LRMDA: variants seen among roughly 807,000 people sequenced by gnomAD.
LRMDA encodes the protein leucine-rich melanocyte differentiation-associated protein.
A neutral mutation model predicts 29.8 loss-of-function variants in LRMDA; 18 were observed. The observed-to-expected ratio is 0.60, with a 90% confidence interval of 0.42 to 0.90. The LOEUF (loss-of-function observed/expected upper bound fraction) is 0.90. Among genes scored for constraint, LRMDA ranks in the 40% least tolerant of loss-of-function variants. The pLI is 0.00. For synonymous variants in LRMDA, 125 were observed against 109.4 expected (o/e 1.14, Z -0.89); for missense variants, 273 against 273.9 (o/e 1.00, Z 0.02).
intron 5 of LRMDA, among the ~76,000 whole-genome samples, chr10:76,308,967 G>C (rs1185366792): frequency 6.6e-6 from 1 of 151,960 alleles, no homozygotes; most frequent in Non-Finnish European, 1.5e-5. Flanking sequence ...ATCAAAGAAT[G>C]GCATTTCAGG....
intron 2 of LRMDA, among the ~76,000 whole-genome samples, chr10:75,672,678 G>A (rs1252936884): frequency 4.9e-5 from 7 of 143,554 alleles, no homozygotes; most frequent in Non-Finnish European, 7.6e-5. Flanking sequence ...TCCCTGGTTC[G>A]AGCGATTTTC....
chr10:76,527,525 A>T (rs959791990), intron 6 of LRMDA, among the ~76,000 whole-genome samples: 1 of 152,156 alleles, frequency 6.6e-6, no homozygotes, highest in Non-Finnish European at 1.5e-5. Context: ...ACTGAGTAAA[A>T]ACTCATTCTA....
At chr10:75,565,708 G>A (rs887031237) in intron 2 of LRMDA, among the ~76,000 whole-genome samples, 3 of 152,028 alleles carry the variant, frequency 2.0e-5, no homozygotes, top group African/African-American at 4.8e-5. Flanking sequence ...TTTTTTGCTG[G>A]TCAACCTCAT....
intron 2 of LRMDA, among the ~76,000 whole-genome samples, chr10:75,854,990 C>G (rs1330617121): frequency 6.6e-6 from 1 of 152,120 alleles, no homozygotes; most frequent in Non-Finnish European, 1.5e-5. Context: ...GGGTTGCTTC[C>G]AAGTCTTTGC....
chr10:75,976,852 C>A (rs999564009), intron 2 of LRMDA, among the ~76,000 whole-genome samples: 2 of 152,178 alleles, frequency 1.3e-5, no homozygotes, highest in African/African-American at 4.8e-5. Context: ...CGCCACATTA[C>A]AATGCCTCTC....
intron 5 of LRMDA, among the ~76,000 whole-genome samples, chr10:76,081,538 A>G (rs950033582): frequency 3.9e-5 from 6 of 152,328 alleles, no homozygotes; most frequent in South Asian, 2.1e-4. Flanking sequence ...TGTGTTTAGG[A>G]TGACATATGT....
In LRMDA at chr10:75,760,749, T is replaced by C. The variant is rs187923217; in HGVS notation, c.132-275259T>C. Among the ~76,000 whole-genome samples, 24 of 152,358 alleles carry C rather than the reference T, an allele frequency of 1.6e-4. No homozygotes were observed. In the East Asian group the frequency reaches 4.6e-3, roughly 29 times the overall value. ...AACTCAGATCCATCAGTGAAATAGC[T>C]AATCCTTTACTGACTTCTTTTCACC... is the stretch of plus-strand genomic sequence containing the variant. On this transcript the variant is annotated intron_variant, in intron 2 of 6. Transcript: ENST00000611255.
intron 6 of LRMDA, among the ~76,000 whole-genome samples, chr10:76,388,006 G>A (rs1348199633): frequency 6.6e-6 from 1 of 152,168 alleles, no homozygotes; most frequent in Non-Finnish European, 1.5e-5. Context: ...TGTAGATATA[G>A]TTAGTTTGAA....
chr10:76,162,691 G>A (rs1001266430), intron 5 of LRMDA, among the ~76,000 whole-genome samples: 1 of 152,218 alleles, frequency 6.6e-6, no homozygotes, highest in African/African-American at 2.4e-5. Flanking sequence ...GCATTTGTGA[G>A]AAATCCATCA....
At chr10:75,479,463 C>T (rs184352201) in intron 2 of LRMDA, among the ~76,000 whole-genome samples, 2 of 149,866 alleles carry the variant, frequency 1.3e-5, no homozygotes, top group African/African-American at 2.5e-5. Flanking sequence ...GCTGAGATCG[C>T]ACCACTGTAC....
rs1564541576 is a variant in LRMDA, at chr10:75,692,222, ATATATATAT to A, written c.131+253729_131+253737del. Among the ~76,000 whole-genome samples, 99 of 31,230 alleles carry A rather than the reference ATATATATAT, an allele frequency of 3.2e-3. 1 individual carries two copies. Among genetic ancestry groups the A allele is most frequent in the African/African-American group, 0.012 (89 of 7,680 alleles). 20.5% of individuals were successfully genotyped at this position (31,230 alleles called of 152,430 possible). On this transcript the variant is annotated intron_variant, in intron 2 of 6. Transcript: ENST00000611255. The stretch of plus-strand genomic sequence containing the variant: ...GTCTCTGGGGGGAAAAAAAAAAAAT[ATATATATAT>A]ATATATATATATATATACATATATA...
chr10:76,019,251 T>C (rs1023052547), intron 2 of LRMDA, among the ~76,000 whole-genome samples: 3 of 152,220 alleles, frequency 2.0e-5, no homozygotes, highest in African/African-American at 7.2e-5. Flanking sequence ...TATTGTCATA[T>C]GTGCATTTGT....
At chr10:76,459,440 C>T (rs550408491) in intron 6 of LRMDA, among the ~76,000 whole-genome samples, 17 of 152,288 alleles carry the variant, frequency 1.1e-4, no homozygotes, top group Admixed American at 4.6e-4. Flanking sequence ...CCAAAATAGA[C>T]GCACAGAATG....
intron 5 of LRMDA, among the ~76,000 whole-genome samples, chr10:76,144,485 T>C (rs1254052569): frequency 1.5e-4 from 23 of 152,130 alleles, no homozygotes; most frequent in Admixed American, 1.5e-3. Flanking sequence ...ATGATTTGGC[T>C]CTCTGTTTGT....
At chr10:76,071,940 A>G (rs1848882199) in intron 5 of LRMDA, among the ~76,000 whole-genome samples, 1 of 152,230 alleles carries the variant, frequency 6.6e-6, no homozygotes, top group African/African-American at 2.4e-5. Context: ...ATTAAGTTTT[A>G]AATATGATAT....
rs569165706 is a variant in LRMDA at position 76,302,886 on chromosome 10, A to G, written c.517-21515A>G. Among the ~76,000 whole-genome samples, 35 of 152,358 alleles carry G rather than the reference A, an allele frequency of 2.3e-4. 1 individual carries two copies. The South Asian group carries it at 3.1e-3, about 14-fold the overall frequency. ...AAAATATAGACAGTTTGTTAAAAGG[A>G]AAACACAACGCAACAAAACCCCTTT... is the stretch of plus-strand genomic sequence containing the variant. On this transcript the variant is annotated intron_variant, in intron 5 of 6. Coordinates refer to ENST00000611255, the MANE Select transcript of LRMDA (RefSeq NM_001305581.2).
intron 5 of LRMDA, among the ~76,000 whole-genome samples, chr10:76,304,858 C>A (rs573303267): frequency 6.6e-6 from 1 of 151,982 alleles, no homozygotes; most frequent in East Asian, 1.9e-4. Context: ...CAGTGCCCTG[C>A]GGGAGCAGGA....
chr10:76,164,286 G>A (rs1850696547), intron 5 of LRMDA, among the ~76,000 whole-genome samples: 1 of 152,136 alleles, frequency 6.6e-6, no homozygotes, highest in African/African-American at 2.4e-5. Flanking sequence ...GATTAAAACT[G>A]AGAATTTTTT....
intron 2 of LRMDA, among the ~76,000 whole-genome samples, chr10:75,766,054 A>T (rs1168151329): frequency 1.3e-5 from 2 of 152,204 alleles, no homozygotes; most frequent in African/African-American, 4.8e-5. Flanking sequence ...GTCTGTTGGA[A>T]GGAGTGGCTT....
Sources: gnomAD v4.1 joint callset for allele counts (sites outside exome capture counted in the v4.1 genomes callset) on GRCh38, gnomAD v4.1.1 for gene constraint, MANE v1.5 for transcripts, NCBI Gene and HGNC (gene_info 2026-07-23, HGNC 2026-07-21) for gene names.